GAGE1: variants seen among roughly 807,000 people sequenced by gnomAD.
GAGE1 encodes G antigen 4.
A neutral mutation model predicts 5.0 loss-of-function variants in GAGE1; 5 were observed. The observed-to-expected ratio is 1.00, with a 90% CI of 0.52 to 2.11. The LOEUF is 2.11. Ranked by LOEUF, GAGE1 falls within the 30% of genes most tolerant of loss-of-function variation. The probability of loss-of-function intolerance (pLI) is 0.01; values close to 1 mark genes in which losing one functional copy is unlikely to be tolerated. For missense variants in GAGE1, 9 were observed against 38.9 expected, an observed-to-expected ratio of 0.23 and a Z score of 2.04; for synonymous variants, 6 against 14.8, an observed-to-expected ratio of 0.40 and a Z score of 1.37.
chrX:49,605,776 G>T (rs1371275807), intron 4 of GAGE1, among the ~76,000 whole-genome samples: 3 of 110,302 alleles, frequency 2.7e-5, no homozygotes, highest in African/African-American at 9.9e-5. Context: ...CCTTGTGGTG[G>T]CACGCGCCTG....
At position 49,605,497 on chromosome X, in the gene GAGE1, A is replaced by T. The variant is rs113529037; in HGVS notation, c.332-496A>T. On this transcript the variant is annotated intron_variant, in intron 4 of 4. Transcript: ENST00000381700. ...CTTTAAATTCTGGAGGGCTACTCTC[A>T]AAGTGTATTCCGAGATTCAATTGGA... Among the ~76,000 whole-genome samples the T allele has an allele frequency of 3.3e-3, 373 of 112,385 alleles. 2 individuals carry two copies. The highest frequency in any genetic ancestry group is 0.011 in the African/African-American group (351 of 30,945).
chrX:49,605,034 T>C (rs1557131905), intron 4 of GAGE1: 3 of 1,020,324 alleles, frequency 2.9e-6, no homozygotes, highest in African/African-American at 3.9e-5. Flanking sequence ...ACTGGGATTC[T>C]CTGGCTTTTA....
In GAGE1 at chrX:49,607,591, G is replaced by A. The variant is rs1427598256; in HGVS notation, c.*1576G>A. On this transcript the variant is annotated 3_prime_UTR_variant, in exon 5 of 5. Coordinates refer to ENST00000381700, the MANE Select transcript of GAGE1 (RefSeq NM_001040663.4). ...GCAGTGACCAAACGGGCAGCTCCAG[G>A]TACCTATCCCCTCAAACTTTGTGAG... The A allele has an allele frequency of 1.1e-4, 12 of 110,982 alleles. No individual in the cohort carries two copies. The highest frequency in any genetic ancestry group is 8.7e-4 in the Admixed American group (9 of 10,336). The allele number at this position is 110,982 out of a possible 1,213,427, so 9.1% of individuals were successfully genotyped here.
chrX:49,604,800 C>T (rs1190748134), intron 4 of GAGE1, among the ~76,000 whole-genome samples: 1 of 111,362 alleles, frequency 9.0e-6, no homozygotes, highest in Non-Finnish European at 1.9e-5. Context: ...GTGAATTCTC[C>T]CTCTTCTTGG....
rs781908398 is a variant in GAGE1, at chrX:49,606,567, G to A, written c.*552G>A. 1.8e-5 allele frequency: 2 copies of A among 112,039 alleles called. No individual in the cohort carries two copies. The highest frequency in any genetic ancestry group is 3.7e-4 in the South Asian group (1 of 2,717). 9.2% of individuals were successfully genotyped at this position (112,039 alleles called of 1,213,427 possible). A position where few individuals can be genotyped will look rare whatever the true frequency, so the allele number is the denominator to read the frequency against. On this transcript the variant is annotated 3_prime_UTR_variant, in exon 5 of 5. Transcript: ENST00000381700. ...TTTTATGGCATTGAGCAGATCTACC[G>A]GATACAATTGTGATAGTGGAAATTT... is the stretch of plus-strand genomic sequence containing the variant.
intron 4 of GAGE1, among the ~76,000 whole-genome samples, chrX:49,605,496 C>G (rs782661268): frequency 4.1e-4 from 46 of 112,228 alleles, no homozygotes; most frequent in Admixed American, 2.4e-3. Flanking sequence ...GGGCTACTCT[C>G]AAAGTGTATT....
chrX:49,605,713 A>T (rs2066653557), intron 4 of GAGE1, among the ~76,000 whole-genome samples: 2 of 110,846 alleles, frequency 1.8e-5, no homozygotes, highest in African/African-American at 6.6e-5. Flanking sequence ...ATTGTATACC[A>T]TCGTGGCTAA....
At position 49,602,367 on chromosome X, in the gene GAGE1, G is replaced by T. The variant is rs781912698; in HGVS notation, c.206-1301G>T. ...AATTGGAAATTCCTTTCTTCCTAAA[G>T]TTCAGTGCAGTTATCATATATTCTT... On this transcript the variant is annotated intron_variant, in intron 3 of 4. Coordinates refer to ENST00000381700, the MANE Select transcript of GAGE1 (RefSeq NM_001040663.4). Among the ~76,000 whole-genome samples, 199 of 79,655 alleles carry T rather than the reference G, an allele frequency of 2.5e-3. 3 individuals are homozygous for T. Among genetic ancestry groups the T allele is most frequent in the African/African-American group, 6.6e-3 (187 of 28,549 alleles). The allele number at this position is 79,655 out of a possible 115,157, so 69.2% of individuals were successfully genotyped here.
chrX:49,604,231 A>G (rs2066635958), intron 4 of GAGE1, among the ~76,000 whole-genome samples: 1 of 112,658 alleles, frequency 8.9e-6, no homozygotes, highest in Non-Finnish European at 1.9e-5. Flanking sequence ...GTTATTTGAA[A>G]TGTAGTTCAG....
chrX:49,605,492 C>A (rs782529370), intron 4 of GAGE1, among the ~76,000 whole-genome samples: 1 of 112,284 alleles, frequency 8.9e-6, no homozygotes, highest in Non-Finnish European at 1.9e-5. Context: ...TGGAGGGCTA[C>A]TCTCAAAGTG....
chrX:49,602,709 T>A (rs1188029012), intron 3 of GAGE1, among the ~76,000 whole-genome samples: 1 of 91,042 alleles, frequency 1.1e-5, no homozygotes, highest in Non-Finnish European at 2.4e-5. Context: ...ATTTCTTGGA[T>A]CATCACTGCA....
chrX:49,605,414 T>G (rs782121518), intron 4 of GAGE1, among the ~76,000 whole-genome samples: 1 of 112,504 alleles, frequency 8.9e-6, no homozygotes, highest in African/African-American at 3.2e-5. Context: ...TTGCTGACTG[T>G]TAATTGTAAT....
Position 49,606,184 on chromosome X carries a change from A to T in GAGE1, c.*169A>T, listed in dbSNP as rs5906844. On this transcript the variant is annotated 3_prime_UTR_variant, in exon 5 of 5. Coordinates refer to ENST00000381700, the MANE Select transcript of GAGE1 (RefSeq NM_001040663.4). Reference sequence around the variant, plus strand: ...AATGTTTCATTCTTTGCAATTTTGTATTCTATCTCCTTGAGCTGTGTGTAG... The same window carrying T: ...AATGTTTCATTCTTTGCAATTTTGTTTTCTATCTCCTTGAGCTGTGTGTAG... 0.51 allele frequency: 145,471 copies of T among 283,726 alleles called. 28,904 individuals are homozygous for T. The highest frequency in any genetic ancestry group is 0.61 in the Middle Eastern group (511 of 831). The allele number at this position is 283,726 out of a possible 1,213,427, so 23.4% of individuals were successfully genotyped here. A position where few individuals can be genotyped will look rare whatever the true frequency, so the allele number is the denominator to read the frequency against.
At chrX:49,604,978 T>A (rs1557131869) in intron 4 of GAGE1, 1 of 893,438 alleles carries the variant, frequency 1.1e-6, no homozygotes, top group Non-Finnish European at 1.5e-6. Flanking sequence ...TGAGTAAAAT[T>A]TTTTTTTTCA....
chrX:49,605,806 G>A (rs1557132120), intron 4 of GAGE1, among the ~76,000 whole-genome samples, 187 bp from the exon 5 acceptor site: 1 of 109,493 alleles, frequency 9.1e-6, no homozygotes. Flanking sequence ...CTACTCAGGA[G>A]TCTGAGGTAG....
In GAGE1 at chrX:49,604,593, T is replaced by G. The variant is rs188778793; in HGVS notation, c.331+800T>G. On this transcript the variant is annotated intron_variant, in intron 4 of 4. Coordinates refer to ENST00000381700, the MANE Select transcript of GAGE1 (RefSeq NM_001040663.4). ...CGGTTCTTTCATACTCTGATCCTGT[T>G]GCATAGAATGCGTGGGACACAGAGA... Among the ~76,000 whole-genome samples, 406 of 112,398 alleles carry G rather than the reference T, an allele frequency of 3.6e-3. 3 individuals carry two copies. Among genetic ancestry groups the G allele is most frequent in the African/African-American group, 0.013 (387 of 30,957 alleles).
At chrX:49,604,767 G>T (rs552558355) in intron 4 of GAGE1, among the ~76,000 whole-genome samples, 2 of 112,010 alleles carry the variant, frequency 1.8e-5, no homozygotes, top group South Asian at 3.8e-4. Context: ...AGCTGAATAC[G>T]TAGTGTAAGA....
At chrX:49,604,071 C>T (rs1167634933) in intron 4 of GAGE1, among the ~76,000 whole-genome samples, 2 of 112,607 alleles carry the variant, frequency 1.8e-5, no homozygotes, top group Non-Finnish European at 3.8e-5. Flanking sequence ...CAGGTTGTTC[C>T]CGAACTCCTG....
chrX:49,606,493 G>A lies in GAGE1; in HGVS notation c.*478G>A, dbSNP rs1250496698. 1.8e-5 allele frequency: 2 copies of A among 111,870 alleles called. No individual in the cohort carries two copies. Among genetic ancestry groups the A allele is most frequent in the African/African-American group, 6.5e-5 (2 of 30,763 alleles). The allele number at this position is 111,870 out of a possible 1,213,427, so 9.2% of individuals were successfully genotyped here. On this transcript the variant is annotated 3_prime_UTR_variant, in exon 5 of 5. Transcript: ENST00000381700. ...GTTGGGATTACAGGCATGGGCCACC[G>A]TGCTGGTCCTGTTTTTGCCATTTTA... is the stretch of plus-strand genomic sequence containing the variant.
Sources: gnomAD v4.1 joint callset for allele counts (sites outside exome capture counted in the v4.1 genomes callset) on GRCh38, gnomAD v4.1.1 for gene constraint, MANE v1.5 for transcripts, NCBI Gene and HGNC (gene_info 2026-07-23, HGNC 2026-07-21) for gene names.